DAB1: variants seen among roughly 807,000 people sequenced by gnomAD.
The protein encoded by DAB1 is DAB adaptor protein 1, also known as disabled homolog 1.
Under a neutral mutation model 64.6 loss-of-function variants are expected in DAB1, and 15 were observed. That is an observed-to-expected ratio of 0.23 (90% CI 0.16 to 0.36). The LOEUF is 0.36. DAB1 is among the 10% of genes least tolerant of loss of function. The probability of loss-of-function intolerance (pLI) is 1.00; values close to 1 mark genes in which losing one functional copy is unlikely to be tolerated. For synonymous variants in DAB1, 235 were observed against 251.9 expected (o/e 0.93, Z 0.64); for missense variants, 596 against 706.7 (o/e 0.84, Z 1.78).
At chr1:57,025,294 C>A (rs531264217) in intron 10 of DAB1, among the ~76,000 whole-genome samples, 2 of 152,294 alleles carry the variant, frequency 1.3e-5, no homozygotes, top group South Asian at 2.1e-4. Flanking sequence ...TTCTTCTTTT[C>A]GTTTTCAAAT....
intron 6 of DAB1, among the ~76,000 whole-genome samples, chr1:57,724,766 G>C (rs1647189600): frequency 6.6e-6 from 1 of 152,150 alleles, no homozygotes; most frequent in African/African-American, 2.4e-5. Flanking sequence ...AGAAGAAGGG[G>C]AGCAGCTCTA....
At chr1:57,568,262 T>C (rs1482067097) in intron 7 of DAB1, among the ~76,000 whole-genome samples, 4 of 152,152 alleles carry the variant, frequency 2.6e-5, no homozygotes, top group African/African-American at 7.2e-5. Context: ...TTACACCTTA[T>C]ACAAAAATTA....
chr1:57,804,784 G>A (rs956874111), intron 6 of DAB1, among the ~76,000 whole-genome samples: 1 of 152,200 alleles, frequency 6.6e-6, no homozygotes, highest in Non-Finnish European at 1.5e-5. Flanking sequence ...TGTACTGGTA[G>A]TGCTTAATAA....
intron 3 of DAB1, among the ~76,000 whole-genome samples, chr1:58,452,537 C>G (rs1397249282): frequency 1.3e-5 from 2 of 151,734 alleles, no homozygotes; most frequent in African/African-American, 4.8e-5. Context: ...AAACCAGGCG[C>G]AGTGGCTCAC....
intron 5 of DAB1, among the ~76,000 whole-genome samples, chr1:57,991,207 G>A (rs1034388152): frequency 6.6e-6 from 1 of 152,186 alleles, no homozygotes; most frequent in Non-Finnish European, 1.5e-5. Context: ...AATTAATAGA[G>A]GCAGAGGCTA....
At chr1:57,447,966 G>A (rs1324276405) in intron 7 of DAB1, among the ~76,000 whole-genome samples, 1 of 152,096 alleles carries the variant, frequency 6.6e-6, no homozygotes, top group African/African-American at 2.4e-5. Context: ...AAATCATCCT[G>A]GAATGAGGCA....
At chr1:57,544,237 G>A (rs201988724) in intron 7 of DAB1, among the ~76,000 whole-genome samples, 22 of 152,300 alleles carry the variant, frequency 1.4e-4, no homozygotes, top group South Asian at 8.3e-4. Flanking sequence ...GTCACTGGCC[G>A]TAAGAATCAG....
chr1:57,648,892 A>T (rs992645842), intron 7 of DAB1, among the ~76,000 whole-genome samples: 14 of 152,322 alleles, frequency 9.2e-5, no homozygotes, highest in African/African-American at 3.1e-4. Context: ...AAGTGTTGGA[A>T]GGGACATCCA....
rs1027990782 is a variant in DAB1, at chr1:58,457,535, C to T, written n.257+48525G>A. On this transcript the variant is annotated intron_variant and non_coding_transcript_variant, in intron 3 of 20. Transcript: ENST00000485760. ...ATTAGGGAAAAAAATCCCTTAACCC[C>T]GAGGCAGAGCAATAACAACATGGAA... Among the ~76,000 whole-genome samples, 44 of 152,294 alleles carry T rather than the reference C, an allele frequency of 2.9e-4. 1 individual carries two copies. Among genetic ancestry groups the T allele is most frequent in the Admixed American group, 2.4e-3 (37 of 15,288 alleles).
intron 5 of DAB1, among the ~76,000 whole-genome samples, chr1:57,970,487 C>A (rs1327297987): frequency 6.6e-6 from 1 of 152,048 alleles, no homozygotes; most frequent in African/African-American, 2.4e-5. Context: ...ACAATCAAAT[C>A]TTTAATTTAA....
At chr1:57,675,682 T>C (rs1302289154) in intron 6 of DAB1, among the ~76,000 whole-genome samples, 1 of 152,226 alleles carries the variant, frequency 6.6e-6, no homozygotes, top group Admixed American at 6.5e-5. Flanking sequence ...ATTATACATC[T>C]ATTCAGCACA....
chr1:57,540,517 T>G (rs1644788755), intron 7 of DAB1, among the ~76,000 whole-genome samples: 1 of 152,194 alleles, frequency 6.6e-6, no homozygotes, highest in Non-Finnish European at 1.5e-5. Flanking sequence ...GCAGCCCTAT[T>G]TACAATAGCA....
chr1:57,255,080 C>A (rs1484764271), intron 2 of DAB1, among the ~76,000 whole-genome samples: 1 of 152,160 alleles, frequency 6.6e-6, no homozygotes, highest in Non-Finnish European at 1.5e-5. Context: ...ATAAACATCT[C>A]ATGAATGGAT....
chr1:57,000,206 G>C (rs1645803790), intron 14 of DAB1, among the ~76,000 whole-genome samples: 1 of 151,922 alleles, frequency 6.6e-6, no homozygotes, highest in Non-Finnish European at 1.5e-5. Context: ...ACCACGCCCG[G>C]CTAATTTTTT....
chr1:57,704,291 C>T (rs1646940242), intron 6 of DAB1, among the ~76,000 whole-genome samples: 1 of 152,102 alleles, frequency 6.6e-6, no homozygotes. Flanking sequence ...TAAACAGAAG[C>T]TGTTTTCTAA....
rs1484672048 is a variant in DAB1 at position 57,902,477 on chromosome 1, G to A, written n.388-18315C>T. On this transcript the variant is annotated intron_variant and non_coding_transcript_variant, in intron 5 of 20. Coordinates refer to the DAB1 transcript ENST00000485760. ...TTACCTAACATACAGTCCATATTCA[G>A]ATGTCCCTAATTGTCTCAATAACGT... Among the ~76,000 whole-genome samples the A allele has an allele frequency of 2.0e-5, 3 of 152,224 alleles. No individual in the cohort carries two copies. The East Asian group carries it at 5.8e-4, about 29-fold the overall frequency.
chr1:57,976,374 T>G (rs1203251293), intron 5 of DAB1, among the ~76,000 whole-genome samples: 2 of 152,166 alleles, frequency 1.3e-5, no homozygotes, highest in Non-Finnish European at 2.9e-5. Flanking sequence ...AGCTTCAAAT[T>G]GATTTAATTT....
intron 4 of DAB1, among the ~76,000 whole-genome samples, chr1:58,224,554 T>C (rs1028559073): frequency 2.6e-5 from 4 of 152,196 alleles, no homozygotes; most frequent in Non-Finnish European, 5.9e-5. Flanking sequence ...CAAGATCTTG[T>C]AGACTAGTGG....
chr1:58,402,048 G>A (rs1644574275), intron 3 of DAB1, among the ~76,000 whole-genome samples: 1 of 152,206 alleles, frequency 6.6e-6, no homozygotes, highest in Non-Finnish European at 1.5e-5. Flanking sequence ...AGTATACTAA[G>A]AAATCCATGC....
Sources: gnomAD v4.1 joint callset for allele counts (sites outside exome capture counted in the v4.1 genomes callset) on GRCh38, gnomAD v4.1.1 for gene constraint, MANE v1.5 for transcripts, NCBI Gene and HGNC (gene_info 2026-07-23, HGNC 2026-07-21) for gene names.